Variants in C2orf74 observed in about 807,000 individuals in gnomAD.
C2orf74 encodes the protein DPM1 ER membrane anchor 1.
In C2orf74, 14 loss-of-function variants were observed where a neutral mutation model predicts 17.9. That is an observed-to-expected ratio of 0.78 (90% CI 0.52 to 1.22). The LOEUF (loss-of-function observed/expected upper bound fraction) is 1.22. Ranked by LOEUF, C2orf74 falls within the 50% of genes most tolerant of loss-of-function variation. The pLI is 0.00. For missense variants in C2orf74, 217 were observed against 218.4 expected (o/e 0.99, Z 0.04); for synonymous variants, 79 against 72.6 (o/e 1.09, Z -0.44).
chr2:61,159,266 G>C (rs542084948), upstream of C2orf74: 3 of 369,242 alleles, frequency 8.1e-6, no homozygotes, highest in Admixed American at 1.0e-4. Context: ...AAAGTGCTGA[G>C]ATTACAGGCG....
intron 1 of C2orf74, among the ~76,000 whole-genome samples, chr2:61,152,575 G>A (rs1272971919): frequency 1.3e-5 from 2 of 150,650 alleles, no homozygotes; most frequent in African/African-American, 2.4e-5. Context: ...GGGGCCGGGC[G>A]CAGTGGCTCA....
chr2:61,153,132 G>A (rs2103619102), intron 1 of C2orf74, among the ~76,000 whole-genome samples: 1 of 125,410 alleles, frequency 8.0e-6, no homozygotes. Context: ...TGGGCAACAA[G>A]AGCAAAACTC....
At chr2:61,145,436 TA>T (rs1334922444) in intron 1 of C2orf74, among the ~76,000 whole-genome samples, 2 of 152,280 alleles carry the variant, frequency 1.3e-5, no homozygotes, top group East Asian at 1.9e-4. Flanking sequence ...TTTATTTATT[TA>T]TTTTTTTGAG....
At chr2:61,145,718 C>T (rs111758693) in intron 1 of C2orf74, among the ~76,000 whole-genome samples, 3 of 152,054 alleles carry the variant, frequency 2.0e-5, no homozygotes, top group African/African-American at 7.2e-5. Context: ...CCACCGCGCC[C>T]GGCCTGTTTT....
chr2:61,161,838 G>C (rs2103644893), upstream of C2orf74: 1 of 152,330 alleles, frequency 6.6e-6, no homozygotes, highest in African/African-American at 2.4e-5. Context: ...GTGAAGCCTT[G>C]AGCTCAGGGC....
chr2:61,153,830 A>T (rs998024671), intron 1 of C2orf74, among the ~76,000 whole-genome samples: 2 of 151,728 alleles, frequency 1.3e-5, no homozygotes, highest in African/African-American at 4.8e-5. Context: ...CAGAGGTTGC[A>T]GTGAGCTGAG....
chr2:61,155,202 C>A (rs2592493), intron 1 of C2orf74, among the ~76,000 whole-genome samples: 62,899 of 152,032 alleles, frequency 0.41, 13,269 homozygotes, highest in Middle Eastern at 0.5. Context: ...AGAAATAAAG[C>A]CTCCTGTGAT....
At chr2:61,158,044 A>G (rs560523277), upstream of C2orf74, 1 of 470,130 alleles carries the variant, frequency 2.1e-6, no homozygotes, top group Non-Finnish European at 4.4e-6. Flanking sequence ...CTTATTCTGT[A>G]TGGAAGAGGC....
chr2:61,162,380 A>G (rs1685587086), intron 1 of C2orf74, 36 bp from the exon 2 acceptor site: 2 of 690,152 alleles, frequency 2.9e-6, no homozygotes, highest in Middle Eastern at 2.5e-4. Context: ...CCAAAAGAAC[A>G]ACAAAGAAAA....
chr2:61,163,954 G>GC (rs975979319), intron 4 of C2orf74, among the ~76,000 whole-genome samples: 1 of 152,014 alleles, frequency 6.6e-6, no homozygotes, highest in Non-Finnish European at 1.5e-5. Context: ...CCAGACCGCA[G>GC]CCCCCTGTGC....
chr2:61,164,183 T>C (rs1220300869), intron 4 of C2orf74, among the ~76,000 whole-genome samples, 171 bp from the exon 5 acceptor site: 3 of 152,168 alleles, frequency 2.0e-5, no homozygotes, highest in Non-Finnish European at 2.9e-5. Context: ...TGTGCTTTTA[T>C]AACCATAAAA....
intron 1 of C2orf74, among the ~76,000 whole-genome samples, chr2:61,153,437 C>G (rs910792141): frequency 1.3e-5 from 2 of 151,374 alleles, no homozygotes; most frequent in African/African-American, 4.8e-5. Context: ...CCCACCACTA[C>G]GCCTAGCTAA....
At chr2:61,146,493 CAAAAAT>C (rs1685073081) in intron 1 of C2orf74, among the ~76,000 whole-genome samples, 1 of 152,006 alleles carries the variant, frequency 6.6e-6, no homozygotes, top group Non-Finnish European at 1.5e-5. Context: ...TCATTAAAAA[CAAAAAT>C]AACACTACAA....
At chr2:61,158,003 C>T, upstream of C2orf74, 1 of 471,196 alleles carries the variant, frequency 2.1e-6, no homozygotes, top group Non-Finnish European at 4.4e-6. Context: ...AAGAAGTCTG[C>T]AGGCAGGAGG....
At chr2:61,147,257 G>A (rs1374599954) in intron 1 of C2orf74, among the ~76,000 whole-genome samples, 1 of 150,318 alleles carries the variant, frequency 6.7e-6, no homozygotes, top group African/African-American at 2.5e-5. Context: ...CTCTGTTGCC[G>A]AGACTGCACA....
intron 1 of C2orf74, among the ~76,000 whole-genome samples, chr2:61,146,205 AGT>A (rs1490172233): frequency 2.6e-5 from 4 of 152,374 alleles, no homozygotes; most frequent in African/African-American, 9.6e-5. Flanking sequence ...TATGAAAAAG[AGT>A]GAGGAATCAG....
At chr2:61,154,522 C>T (rs1016774408) in intron 1 of C2orf74, among the ~76,000 whole-genome samples, 7 of 152,254 alleles carry the variant, frequency 4.6e-5, no homozygotes, top group African/African-American at 1.7e-4. Context: ...GTTCATAAAT[C>T]ATAACAAATA....
chr2:61,152,540 C>CA (rs1019246686), intron 1 of C2orf74, among the ~76,000 whole-genome samples: 6 of 132,868 alleles, frequency 4.5e-5, no homozygotes, highest in South Asian at 2.4e-4. Flanking sequence ...GACTCCATCT[C>CA]AAAAAAAAAT....
intron 1 of C2orf74, among the ~76,000 whole-genome samples, chr2:61,156,302 G>A (rs1685389633): frequency 6.6e-6 from 1 of 151,980 alleles, no homozygotes; most frequent in Non-Finnish European, 1.5e-5. Context: ...CTTTGGGAGG[G>A]TGAGGCAGGC....
Sources: allele counts gnomAD v4.1 joint callset (sites outside exome capture counted in the v4.1 genomes callset), GRCh38; gene constraint gnomAD v4.1.1; transcripts MANE v1.5; gene names NCBI Gene and HGNC (gene_info 2026-07-23, HGNC 2026-07-21).